Variants in NXPE2 observed in about 807,000 individuals in gnomAD.
NXPE2 encodes neurexophilin and PC-esterase domain family member 2, also known as NXPE family member 2.
Under a neutral mutation model 34.4 loss-of-function variants are expected in NXPE2, and 34 were observed. The observed-to-expected ratio is 0.99, with a 90% confidence interval of 0.75 to 1.31. The LOEUF (loss-of-function observed/expected upper bound fraction) is 1.31. Ranked by LOEUF, NXPE2 falls within the 40% of genes most tolerant of loss-of-function variation. The pLI is 0.00. For synonymous variants in NXPE2, 235 were observed against 231.3 expected (o/e 1.02, Z -0.15); for missense variants, 649 against 672.5 (o/e 0.97, Z 0.39).
chr11:114,648,346 C>A, the NXPE2 span, among the ~76,000 whole-genome samples: 865 of 152,224 alleles, frequency 5.7e-3, 4 homozygotes, highest in Non-Finnish European at 9.6e-3. Context: ...TGGTTCTACT[C>A]TGAAAACAGG....
At chr11:114,706,056 A>T (rs1375784666) in intron 5 of NXPE2, 60 bp downstream of exon 5, 1 of 636,180 alleles carries the variant, frequency 1.6e-6, no homozygotes, top group Non-Finnish European at 2.3e-6. Flanking sequence ...TGAAATAATA[A>T]TTAGAATTAT....
the NXPE2 span, among the ~76,000 whole-genome samples, chr11:114,489,613 A>G: frequency 6.6e-6 from 1 of 152,210 alleles, no homozygotes; most frequent in African/African-American, 2.4e-5. Flanking sequence ...AAACCACATG[A>G]TTGTCTCAAC....
At chr11:114,546,794 G>A in the NXPE2 span, among the ~76,000 whole-genome samples, 1 of 152,096 alleles carries the variant, frequency 6.6e-6, no homozygotes, top group African/African-American at 2.4e-5. Flanking sequence ...ATCTTGTAGT[G>A]TCGGAAAGCA....
the NXPE2 span, among the ~76,000 whole-genome samples, chr11:114,559,076 A>T: frequency 6.6e-6 from 1 of 152,238 alleles, no homozygotes; most frequent in Admixed American, 6.5e-5. Flanking sequence ...AAAGAAATAA[A>T]CATAAATCTT....
the NXPE2 span, among the ~76,000 whole-genome samples, chr11:114,808,534 T>TACAA: frequency 8.3e-6 from 1 of 120,880 alleles, no homozygotes; most frequent in African/African-American, 3.1e-5. Context: ...CCCACAGAAA[T>TACAA]ACAAACTACC....
At chr11:114,801,374 A>C in the NXPE2 span, among the ~76,000 whole-genome samples, 2 of 152,246 alleles carry the variant, frequency 1.3e-5, no homozygotes, top group African/African-American at 4.8e-5. Context: ...TAAGGCAGAC[A>C]GCAAATTTGA....
chr11:114,677,333 T>G (rs1420114276), upstream of NXPE2, among the ~76,000 whole-genome samples: 1 of 152,118 alleles, frequency 6.6e-6, no homozygotes, highest in Non-Finnish European at 1.5e-5. Flanking sequence ...TTAGCTTGAT[T>G]GTAGTAATCA....
chr11:114,530,612 C>T, the NXPE2 span: 15 of 1,614,154 alleles, frequency 9.3e-6, no homozygotes, highest in Middle Eastern at 3.3e-4. Context: ...CACCATATTG[C>T]TTCCTCTGTC....
chr11:114,600,454 A>G, the NXPE2 span, among the ~76,000 whole-genome samples: 2 of 152,178 alleles, frequency 1.3e-5, no homozygotes, highest in African/African-American at 2.4e-5. Context: ...CAAATGCTGT[A>G]CTGAGAAGGG....
At chr11:114,799,326 C>CAGTTAAGACTGCTGGGAAAAGATAA in the NXPE2 span, among the ~76,000 whole-genome samples, 1 of 143,002 alleles carries the variant, frequency 7.0e-6, no homozygotes, top group African/African-American at 2.6e-5. Context: ...TTGGTGGCAT[C>CAGTTAAGACTGCTGGGAAAAGATAA]AGTTAAGACT....
chr11:114,721,816 G>A, the NXPE2 span, among the ~76,000 whole-genome samples: 1 of 152,168 alleles, frequency 6.6e-6, no homozygotes, highest in Non-Finnish European at 1.5e-5. Flanking sequence ...GCAGGAGGAG[G>A]ATTTGAGCAT....
intron 2 of NXPE2, among the ~76,000 whole-genome samples, chr11:114,687,145 T>C (rs1452323592): frequency 6.6e-6 from 1 of 152,168 alleles, no homozygotes; most frequent in African/African-American, 2.4e-5. Flanking sequence ...ATTTTTGTTT[T>C]TGTTACATTT....
chr11:114,787,118 C>G, the NXPE2 span, among the ~76,000 whole-genome samples: 6 of 152,106 alleles, frequency 3.9e-5, no homozygotes, highest in African/African-American at 1.4e-4. Flanking sequence ...CACACTTTCC[C>G]GGAGCTCCCT....
the NXPE2 span, among the ~76,000 whole-genome samples, chr11:114,763,494 C>T: frequency 6.6e-6 from 1 of 152,154 alleles, no homozygotes; most frequent in Non-Finnish European, 1.5e-5. Flanking sequence ...CTGAGAATAG[C>T]ACATGACCTC....
chr11:114,811,778 G>A, the NXPE2 span, among the ~76,000 whole-genome samples: 1 of 152,222 alleles, frequency 6.6e-6, no homozygotes, highest in South Asian at 2.1e-4. Context: ...GTGGTCACCA[G>A]TCGTAGGGCC....
the NXPE2 span, among the ~76,000 whole-genome samples, chr11:114,737,815 G>A: frequency 6.6e-6 from 1 of 152,128 alleles, no homozygotes; most frequent in Non-Finnish European, 1.5e-5. Flanking sequence ...GGGCGCAGTG[G>A]CTCACACCTG....
the NXPE2 span, among the ~76,000 whole-genome samples, chr11:114,778,639 A>G: frequency 3.3e-5 from 5 of 152,190 alleles, no homozygotes; most frequent in Non-Finnish European, 7.3e-5. Flanking sequence ...AAACCAGGCA[A>G]ATGCCCAGGA....
the NXPE2 span, among the ~76,000 whole-genome samples, chr11:114,610,552 C>T: frequency 6.8e-5 from 7 of 103,420 alleles, no homozygotes; most frequent in East Asian, 3.9e-4. Context: ...AGTGTTGCCT[C>T]GTGGTTAACC....
the NXPE2 span, among the ~76,000 whole-genome samples, chr11:114,612,371 T>C: frequency 6.6e-6 from 1 of 151,934 alleles, no homozygotes; most frequent in Non-Finnish European, 1.5e-5. Flanking sequence ...AGTTACCCGA[T>C]GGACAATAAG....
Sources: allele counts gnomAD v4.1 joint callset (sites outside exome capture counted in the v4.1 genomes callset), GRCh38; gene constraint gnomAD v4.1.1; transcripts MANE v1.5; gene names NCBI Gene and HGNC (gene_info 2026-07-23, HGNC 2026-07-21).